Variants in NRXN3 observed in about 807,000 individuals in gnomAD.
NRXN3 encodes the protein neurexin III.
Under a neutral mutation model 137.6 loss-of-function variants are expected in NRXN3, and 32 were observed. The ratio of observed to expected loss-of-function variants is 0.23; its 90% CI spans 0.18 to 0.31. NRXN3 has a LOEUF of 0.31. Ranked by LOEUF, NRXN3 falls within the 10% of genes least tolerant of loss-of-function variation. NRXN3 has a pLI of 1.00. For missense variants in NRXN3, 1,574 were observed against 2,062.5 expected (o/e 0.76, Z 4.59); for synonymous variants, 798 against 784.5 (o/e 1.02, Z -0.29).
At chr14:78,286,051 C>A (rs2075131964) in intron 3 of NRXN3, among the ~76,000 whole-genome samples, 1 of 152,126 alleles carries the variant, frequency 6.6e-6, no homozygotes, top group African/African-American at 2.4e-5. Context: ...GTGCTTTTTT[C>A]TAGAGCCGTT....
chr14:78,787,263 T>G (rs1307611979), intron 8 of NRXN3, among the ~76,000 whole-genome samples: 1 of 152,170 alleles, frequency 6.6e-6, no homozygotes, highest in Non-Finnish European at 1.5e-5. Flanking sequence ...CCTAAAGGAT[T>G]TATCTCTCTG....
At chr14:78,751,628 C>T (rs1567215359) in intron 8 of NRXN3, among the ~76,000 whole-genome samples, 1 of 152,264 alleles carries the variant, frequency 6.6e-6, no homozygotes, top group East Asian at 1.9e-4. Context: ...AGTCTTGCCA[C>T]CCCTCTCTAA....
chr14:79,355,186 T>C (rs1293337496), intron 15 of NRXN3, among the ~76,000 whole-genome samples: 3 of 152,098 alleles, frequency 2.0e-5, no homozygotes, highest in Non-Finnish European at 4.4e-5. Flanking sequence ...TGATAAGGAA[T>C]CAGTCTGCTG....
At chr14:79,074,229 C>T (rs899498484) in intron 15 of NRXN3, among the ~76,000 whole-genome samples, 1 of 152,196 alleles carries the variant, frequency 6.6e-6, no homozygotes, top group South Asian at 2.1e-4. Flanking sequence ...GTCTTTGGAG[C>T]TTCCTTCTCA....
intron 8 of NRXN3, among the ~76,000 whole-genome samples, chr14:78,790,129 G>A (rs1397090739): frequency 6.6e-6 from 1 of 152,064 alleles, no homozygotes; most frequent in Non-Finnish European, 1.5e-5. Context: ...TTAAAATTCA[G>A]TGGTAAAAAT....
chr14:78,920,037 A>G (rs154301), intron 10 of NRXN3, among the ~76,000 whole-genome samples: 1,856 of 152,332 alleles, frequency 0.012, 41 homozygotes, highest in African/African-American at 0.042. Flanking sequence ...TTCTTTATCA[A>G]TTAGGATAGC....
intron 15 of NRXN3, among the ~76,000 whole-genome samples, chr14:79,046,812 A>C (rs541264446): frequency 6.6e-5 from 10 of 152,348 alleles, no homozygotes; most frequent in African/African-American, 2.4e-4. Context: ...TCATCCAGTA[A>C]ATTTTAATAT....
intron 1 of NRXN3, among the ~76,000 whole-genome samples, chr14:78,237,404 T>C (rs913827319): frequency 6.6e-6 from 1 of 152,192 alleles, no homozygotes; most frequent in African/African-American, 2.4e-5. Context: ...TAGAAATCTG[T>C]TTGTATCTAT....
intron 10 of NRXN3, among the ~76,000 whole-genome samples, chr14:78,894,100 G>A (rs142007696): frequency 6.6e-6 from 1 of 151,982 alleles, no homozygotes; most frequent in East Asian, 1.9e-4. Context: ...TGCTGAAGGA[G>A]GTTAGGGTGG....
intron 2 of NRXN3, among the ~76,000 whole-genome samples, chr14:78,254,723 G>T (rs12100846): frequency 6.6e-6 from 1 of 150,872 alleles, no homozygotes. Flanking sequence ...CATTGGAGAA[G>T]ATGAAAAGGG....
intron 1 of NRXN3, among the ~76,000 whole-genome samples, chr14:78,196,523 C>A (rs1385196432): frequency 6.6e-6 from 1 of 152,170 alleles, no homozygotes; most frequent in African/African-American, 2.4e-5. Context: ...ATCTCACAGG[C>A]TAGGTGGCAA....
intron 15 of NRXN3, among the ~76,000 whole-genome samples, chr14:78,997,987 A>G (rs920999136): frequency 1.3e-5 from 2 of 152,142 alleles, no homozygotes; most frequent in Non-Finnish European, 2.9e-5. Flanking sequence ...CTCCATCTAT[A>G]TAACTGCAGG....
At chr14:78,672,780 A>G (rs1244768645) in intron 6 of NRXN3, among the ~76,000 whole-genome samples, 4 of 152,214 alleles carry the variant, frequency 2.6e-5, no homozygotes, top group Non-Finnish European at 5.9e-5. Context: ...TCAGTTCAGT[A>G]TCTCATGAAA....
intron 16 of NRXN3, among the ~76,000 whole-genome samples, chr14:79,514,543 C>A (rs934448152): frequency 2.0e-5 from 3 of 152,154 alleles, no homozygotes; most frequent in East Asian, 1.9e-4. Flanking sequence ...ATGGTAGTAA[C>A]CCTTAACCCT....
intron 1 of NRXN3, among the ~76,000 whole-genome samples, chr14:78,235,451 A>T (rs1286202802): frequency 2.0e-5 from 3 of 152,112 alleles, no homozygotes; most frequent in Non-Finnish European, 2.9e-5. Flanking sequence ...TCTGCCTCAC[A>T]GTTCTCATAT....
chr14:79,194,601 T>C (rs765422969), intron 15 of NRXN3, among the ~76,000 whole-genome samples: 3 of 152,216 alleles, frequency 2.0e-5, no homozygotes, highest in Non-Finnish European at 2.9e-5. Context: ...GTAGCAGTTA[T>C]GAAGTTTTAT....
At chr14:79,127,179 A>G (rs1466152540) in intron 15 of NRXN3, among the ~76,000 whole-genome samples, 1 of 152,014 alleles carries the variant, frequency 6.6e-6, no homozygotes, top group Non-Finnish European at 1.5e-5. Context: ...CTTTAGTTTA[A>G]TTAGATCCCA....
chr14:78,765,216 C>T (rs1297373632), intron 8 of NRXN3, among the ~76,000 whole-genome samples: 2 of 152,092 alleles, frequency 1.3e-5, no homozygotes, highest in African/African-American at 4.8e-5. Context: ...TGCAATGGCG[C>T]AATCTTGGCT....
At chr14:78,977,381 G>T (rs1182932537) in intron 14 of NRXN3, among the ~76,000 whole-genome samples, 3 of 152,128 alleles carry the variant, frequency 2.0e-5, no homozygotes, top group African/African-American at 7.2e-5. Flanking sequence ...TTGTTGTTGA[G>T]ACTGGGCTTT....
Sources: gnomAD v4.1 joint callset for allele counts (sites outside exome capture counted in the v4.1 genomes callset) on GRCh38, gnomAD v4.1.1 for gene constraint, MANE v1.5 for transcripts, NCBI Gene and HGNC (gene_info 2026-07-23, HGNC 2026-07-21) for gene names.